GRM4: variants seen among roughly 807,000 people sequenced by gnomAD.
GRM4 encodes the protein metabotropic glutamate receptor 4.
Under a neutral mutation model 81.7 loss-of-function variants are expected in GRM4, and 28 were observed. The ratio of observed to expected loss-of-function variants is 0.34; its 90% CI spans 0.25 to 0.47. GRM4 has a LOEUF of 0.47. Ranked by LOEUF, GRM4 falls within the 20% of genes least tolerant of loss-of-function variation. The probability of loss-of-function intolerance (pLI) is 1.00; values close to 1 mark genes in which losing one functional copy is unlikely to be tolerated. For synonymous variants in GRM4, 488 were observed against 528.8 expected, an observed-to-expected ratio of 0.92 and a Z score of 1.06; for missense variants, 948 against 1,290.0, an observed-to-expected ratio of 0.73 and a Z score of 4.06.
chr6:34,066,704 G>A (rs973092430), intron 3 of GRM4, among the ~76,000 whole-genome samples: 1 of 151,946 alleles, frequency 6.6e-6, no homozygotes, highest in African/African-American at 2.4e-5. Context: ...GAACAGGACT[G>A]AAGAAGGTTC....
Position 34,130,174 on chromosome 6 carries a change from C to T in GRM4, c.519+2804G>A, listed in dbSNP as rs373125307. Among the ~76,000 whole-genome samples, 5 of 152,302 alleles carry T rather than the reference C, an allele frequency of 3.3e-5. No individual in the cohort carries two copies. The South Asian group carries it at 1.0e-3, about 32-fold the overall frequency. ...TGTAAATGGCTTTTAAGTTTCTCAC[C>T]CAGCCTCTCATTTCTATCAGTTTAA... On this transcript the variant is annotated intron_variant, in intron 2 of 10. Coordinates refer to ENST00000538487, the MANE Select transcript of GRM4 (RefSeq NM_000841.4). This position sits in a 1 kb window ranked among gnomAD's most constrained non-coding sequence, Gnocchi z 4.1.
At chr6:34,098,009 G>A (rs138620584) in intron 2 of GRM4, among the ~76,000 whole-genome samples, 318 of 152,272 alleles carry the variant, frequency 2.1e-3, no homozygotes, top group African/African-American at 6.7e-3. Context: ...AGCACCCATC[G>A]GAGCCGCCCT....
At chr6:34,128,059 C>T (rs1770088810) in intron 2 of GRM4, among the ~76,000 whole-genome samples, 1 of 152,224 alleles carries the variant, frequency 6.6e-6, no homozygotes, top group Non-Finnish European at 1.5e-5. Flanking sequence ...CTCTGCTCCC[C>T]CTTCCCATGC....
intron 2 of GRM4, among the ~76,000 whole-genome samples, chr6:34,101,168 A>T (rs1006664427): frequency 2.0e-5 from 3 of 152,130 alleles, no homozygotes; most frequent in African/African-American, 7.2e-5. Flanking sequence ...AATTAGATTC[A>T]CACACACACA....
chr6:34,074,030 C>A lies in GRM4; in HGVS notation c.737-12002G>T, dbSNP rs1046293685. ...CATTAAGGCAAAGCCCTCCTCTTGC[C>A]TCTGAAACCCCACCTCTGCCACCAG... On this transcript the variant is annotated intron_variant, in intron 3 of 10. Transcript: ENST00000538487. The surrounding 1 kb of genome is among the most constrained non-coding windows in gnomAD (Gnocchi z 4.9). Among the ~76,000 whole-genome samples the A allele has an allele frequency of 3.3e-5, 5 of 152,214 alleles. No individual in the cohort carries two copies. The highest frequency in any genetic ancestry group is 1.2e-4 in the African/African-American group (5 of 41,444).
In GRM4 at chr6:34,091,989, C is replaced by T. The variant is rs755377410; in HGVS notation, c.630G>A (p.Val210=). 3.1e-6 allele frequency: 5 copies of T among 1,613,934 alleles called. No homozygotes were observed. In the African/African-American group the frequency reaches 6.7e-5, roughly 22 times the overall value. Residue 210 remains valine, a synonymous_variant, in exon 3 of 11, where the codon GTG becomes GTA. Coordinates refer to ENST00000538487, the MANE Select transcript of GRM4 (RefSeq NM_000841.4). ...TCCACTTGAGGGCACGGACGATGTC[C>T]ACCATGGCCTGGGCCTGGTACGTGT... ...PSDTYQAQAM[V]DIVRALKWNY...
intron 2 of GRM4, among the ~76,000 whole-genome samples, chr6:34,106,761 G>A (rs932973834): frequency 6.6e-6 from 1 of 152,244 alleles, no homozygotes; most frequent in African/African-American, 2.4e-5. Flanking sequence ...CTTGCTCACT[G>A]CTAGAGCCCC....
chr6:34,120,199 G>A (rs1048640491), intron 2 of GRM4, among the ~76,000 whole-genome samples: 1 of 152,164 alleles, frequency 6.6e-6, no homozygotes, highest in Non-Finnish European at 1.5e-5. Context: ...GCTCATTCAG[G>A]AGAGAGAGAA....
At position 34,100,593 on chromosome 6, in the gene GRM4, C is replaced by A. The variant is rs1356249651; in HGVS notation, c.520-8494G>T. Reference sequence around the variant, plus strand: ...CACTTGACCAGGGTTTACTGAGCACCCACTGAGTGCTCTGCATGATCCCTG... The same window carrying A: ...CACTTGACCAGGGTTTACTGAGCACACACTGAGTGCTCTGCATGATCCCTG... On this transcript the variant is annotated intron_variant, in intron 2 of 10. Transcript: ENST00000538487. Among the ~76,000 whole-genome samples the A allele has an allele frequency of 4.6e-5, 7 of 152,350 alleles. No homozygotes were observed. In the East Asian group the frequency reaches 1.3e-3, roughly 29 times the overall value.
upstream of GRM4, among the ~76,000 whole-genome samples, chr6:34,150,387 G>A (rs1480289665): frequency 1.3e-5 from 2 of 152,050 alleles, no homozygotes; most frequent in African/African-American, 4.8e-5. Context: ...GCAAGAGTGG[G>A]GGTGCAGGAC....
intron 1 of GRM4, among the ~76,000 whole-genome samples, chr6:34,144,958 C>T (rs6904126): frequency 0.059 from 9,009 of 152,036 alleles, 707 homozygotes; most frequent in African/African-American, 0.19. Flanking sequence ...CAGCTCTCCT[C>T]GGAGCACTCC....
Position 34,049,203 on chromosome 6 carries a change from G to A in GRM4, c.1168+7341C>T, listed in dbSNP as rs73747252. On this transcript the variant is annotated intron_variant, in intron 6 of 10. Coordinates refer to ENST00000538487, the MANE Select transcript of GRM4 (RefSeq NM_000841.4). ...TGGCTTTTGCACCCACCTCTCTAAG[G>A]AGACTGCTTTTGTGGAGGTCACAAT... Among the ~76,000 whole-genome samples the A allele has an allele frequency of 9.6e-3, 1,458 of 152,126 alleles. 24 individuals carry two copies. The highest frequency in any genetic ancestry group is 0.032 in the African/African-American group (1,316 of 41,470).
intron 3 of GRM4, among the ~76,000 whole-genome samples, chr6:34,073,955 T>C (rs1301608486): frequency 2.0e-5 from 3 of 152,100 alleles, no homozygotes; most frequent in African/African-American, 7.2e-5. Context: ...GTCCAGCAAC[T>C]GGATGGAGGG....
chr6:34,032,441 A>C (rs1386622848), intron 9 of GRM4, among the ~76,000 whole-genome samples: 2 of 152,252 alleles, frequency 1.3e-5, no homozygotes, highest in Admixed American at 6.5e-5. Flanking sequence ...GACATGGCCC[A>C]GACACAGCCC....
chr6:34,037,304 A>G (rs1452159993), intron 8 of GRM4, among the ~76,000 whole-genome samples: 2 of 152,252 alleles, frequency 1.3e-5, no homozygotes, highest in African/African-American at 4.8e-5. Flanking sequence ...TGTGAGCAAT[A>G]GAGCCACACG....
rs1050256678 is a variant in GRM4, at chr6:34,152,500, A to G, written c.312+2579T>C. Among the ~76,000 whole-genome samples, 17 of 152,080 alleles carry G rather than the reference A, an allele frequency of 1.1e-4. No individual in the cohort carries two copies. Among genetic ancestry groups the G allele is most frequent in the African/African-American group, 4.1e-4 (17 of 41,396 alleles). On this transcript the variant is annotated intron_variant, in intron 1 of 8. Coordinates refer to the GRM4 transcript ENST00000374177. This position sits in a 1 kb window ranked among gnomAD's most constrained non-coding sequence, Gnocchi z 4.1. ...GGGAGGATTCTGCTCCCCTCGAAGG[A>G]GGCAGCAGCATTTCTGCAAACACCC...
chr6:34,108,685 C>T (rs1182059166), intron 2 of GRM4, among the ~76,000 whole-genome samples: 1 of 152,202 alleles, frequency 6.6e-6, no homozygotes, highest in Non-Finnish European at 1.5e-5. Flanking sequence ...TCCACGCCTG[C>T]AGAGACCTCC....
intron 3 of GRM4, chr6:34,063,182 G>A (rs1766271336): frequency 6.6e-6 from 1 of 152,520 alleles, no homozygotes; most frequent in Non-Finnish European, 1.5e-5. Context: ...CAAATGACCT[G>A]GAGGTCCAGG....
intron 6 of GRM4, among the ~76,000 whole-genome samples, chr6:34,044,381 CAT>C (rs1397124345): frequency 1.6e-4 from 24 of 150,388 alleles, no homozygotes; most frequent in Admixed American, 7.3e-4. Flanking sequence ...CATACACACA[CAT>C]AGACATACAT....
Sources: gnomAD v4.1 joint callset for allele counts (sites outside exome capture counted in the v4.1 genomes callset) on GRCh38, gnomAD v4.1.1 for gene constraint, Gnocchi (gnomAD v3.1) non-coding constraint, MANE v1.5 for transcripts, NCBI Gene and HGNC (gene_info 2026-07-23, HGNC 2026-07-21) for gene names.